RBFOX1: variants seen among roughly 807,000 people sequenced by gnomAD.
The protein encoded by RBFOX1 is RNA binding fox-1 homolog 1.
A neutral mutation model predicts 57.7 loss-of-function variants in RBFOX1; 8 were observed. The observed-to-expected ratio is 0.14, with a 90% CI of 0.08 to 0.25. RBFOX1 has a LOEUF of 0.25. Among genes scored for constraint, RBFOX1 ranks in the 10% least tolerant of loss-of-function variants. RBFOX1 has a pLI of 1.00. For missense variants in RBFOX1, 611 were observed against 548.5 expected (o/e 1.11, Z -1.14); for synonymous variants, 326 against 222.4 (o/e 1.47, Z -4.15).
chr16:7,355,525 T>A (rs773052516), intron 4 of RBFOX1, among the ~76,000 whole-genome samples: 6 of 152,182 alleles, frequency 3.9e-5, no homozygotes, highest in Admixed American at 2.6e-4. Flanking sequence ...AAGGACACCA[T>A]GCACGTGTGT....
At chr16:5,670,161 ACTGGGGG>A (rs1208387521) in intron 3 of RBFOX1, among the ~76,000 whole-genome samples, 1 of 151,608 alleles carries the variant, frequency 6.6e-6, no homozygotes, top group Non-Finnish European at 1.5e-5. Context: ...ATTAGTGGTT[ACTGGGGG>A]CTGGGGGCTG....
At chr16:5,321,089 A>G (rs1255649322) in intron 1 of RBFOX1, among the ~76,000 whole-genome samples, 1 of 152,134 alleles carries the variant, frequency 6.6e-6, no homozygotes, top group Admixed American at 6.5e-5. Flanking sequence ...AGCACTGGAG[A>G]CTGAATACAT....
intron 13 of RBFOX1, among the ~76,000 whole-genome samples, chr16:7,672,007 A>G (rs1424150034): frequency 6.6e-6 from 1 of 152,196 alleles, no homozygotes; most frequent in Non-Finnish European, 1.5e-5. Flanking sequence ...AATTGTCTGG[A>G]TAATTTTTTA....
chr16:6,977,091 T>C, intron 3 of RBFOX1, among the ~76,000 whole-genome samples: 1 of 144,306 alleles, frequency 6.9e-6, no homozygotes, highest in Middle Eastern at 3.6e-3. Context: ...ATCTATATTT[T>C]ATATATATAT....
intron 2 of RBFOX1, among the ~76,000 whole-genome samples, chr16:6,407,129 C>G (rs1056369252): frequency 6.6e-6 from 1 of 152,108 alleles, no homozygotes; most frequent in Non-Finnish European, 1.5e-5. Context: ...GGCCAGTCAT[C>G]CATTTGCCTA....
intron 3 of RBFOX1, among the ~76,000 whole-genome samples, chr16:6,684,901 A>G (rs2059197162): frequency 6.6e-6 from 1 of 152,168 alleles, no homozygotes; most frequent in African/African-American, 2.4e-5. Flanking sequence ...TATACATACG[A>G]AGTCCTAGGC....
intron 4 of RBFOX1, among the ~76,000 whole-genome samples, chr16:7,131,849 T>C (rs770603344): frequency 1.3e-5 from 2 of 152,148 alleles, no homozygotes; most frequent in Middle Eastern, 3.4e-3. Flanking sequence ...AACATCCAAA[T>C]GGCTTAACTT....
At chr16:6,583,924 G>A (rs1567771572) in intron 2 of RBFOX1, among the ~76,000 whole-genome samples, 1 of 151,392 alleles carries the variant, frequency 6.6e-6, no homozygotes, top group African/African-American at 2.4e-5. Context: ...AAAGAAAGAC[G>A]ATTGTATCTT....
At chr16:7,304,517 T>C in intron 4 of RBFOX1, 7 of 985,176 alleles carry the variant, frequency 7.1e-6, no homozygotes, top group Non-Finnish European at 8.4e-6. Context: ...GGTGGCTGCT[T>C]TCCTGGGGCT....
intron 2 of RBFOX1, among the ~76,000 whole-genome samples, chr16:5,585,466 A>G (rs2046800246): frequency 1.3e-5 from 2 of 152,174 alleles, no homozygotes; most frequent in Admixed American, 1.3e-4. Context: ...TTAAACTTGT[A>G]GACATGTGCC....
intron 1 of RBFOX1, among the ~76,000 whole-genome samples, chr16:6,248,564 C>G (rs1007046776): frequency 1.3e-5 from 2 of 152,050 alleles, no homozygotes; most frequent in Non-Finnish European, 2.9e-5. Flanking sequence ...GGGAAGATCC[C>G]CGAGGGATGC....
intron 4 of RBFOX1, among the ~76,000 whole-genome samples, chr16:7,056,931 C>T (rs1375482157): frequency 6.6e-6 from 1 of 151,906 alleles, no homozygotes; most frequent in Non-Finnish European, 1.5e-5. Context: ...CTTCTAAATG[C>T]TCCTTAGTGT....
intron 2 of RBFOX1, among the ~76,000 whole-genome samples, chr16:6,600,104 C>T (rs564587945): frequency 1.5e-4 from 23 of 152,256 alleles, no homozygotes; most frequent in South Asian, 1.5e-3. Flanking sequence ...GTTTTTCAAG[C>T]TCATTTTTCT....
intron 1 of RBFOX1, among the ~76,000 whole-genome samples, chr16:5,346,497 G>C (rs1009385240): frequency 2.6e-5 from 4 of 152,194 alleles, no homozygotes; most frequent in African/African-American, 9.7e-5. Context: ...GTGCTTTGCG[G>C]AGAGAGAGAA....
intron 2 of RBFOX1, among the ~76,000 whole-genome samples, chr16:5,548,174 A>AATATATATATATATATAT (rs71142629): frequency 1.4e-3 from 48 of 33,504 alleles, no homozygotes; most frequent in Non-Finnish European, 2.3e-3. Flanking sequence ...AAAAAAAAAA[A>AATATATATATATATATAT]ATATATATAT....
intron 1 of RBFOX1, among the ~76,000 whole-genome samples, chr16:5,282,389 G>A (rs984834536): frequency 6.6e-6 from 1 of 152,210 alleles, no homozygotes; most frequent in Non-Finnish European, 1.5e-5. Context: ...ACCTGAATAC[G>A]TGGAAGTGAC....
intron 1 of RBFOX1, among the ~76,000 whole-genome samples, chr16:6,225,197 G>C (rs9939574): frequency 0.069 from 10,252 of 148,954 alleles, 1,023 homozygotes; most frequent in African/African-American, 0.23. Context: ...ATCCCAATAC[G>C]TGCTAACTGA....
intron 4 of RBFOX1, among the ~76,000 whole-genome samples, chr16:7,202,050 C>T (rs895086734): frequency 6.6e-6 from 1 of 152,106 alleles, no homozygotes; most frequent in African/African-American, 2.4e-5. Context: ...CTCCCATGGT[C>T]TTTCTCCTAG....
At chr16:7,212,784 C>G (rs1021920064) in intron 4 of RBFOX1, among the ~76,000 whole-genome samples, 5 of 152,138 alleles carry the variant, frequency 3.3e-5, no homozygotes, top group Non-Finnish European at 7.3e-5. Context: ...ACATGTATAC[C>G]TATGTAACAA....
Sources: gnomAD v4.1 joint callset for allele counts (sites outside exome capture counted in the v4.1 genomes callset) on GRCh38, gnomAD v4.1.1 for gene constraint, MANE v1.5 for transcripts, NCBI Gene and HGNC (gene_info 2026-07-23, HGNC 2026-07-21) for gene names.